The following PRKG1 variants were observed in gnomAD, a reference collection of about 807,000 sequenced individuals.
The protein encoded by PRKG1 is protein kinase cGMP-dependent 1, also known as cGMP-dependent protein kinase 1.
In PRKG1, 35 loss-of-function variants were observed where a neutral mutation model predicts 88.1. The ratio of observed to expected loss-of-function variants is 0.40; its 90% CI spans 0.30 to 0.53. The LOEUF (loss-of-function observed/expected upper bound fraction) is 0.53. Among genes scored for constraint, PRKG1 ranks in the 20% least tolerant of loss-of-function variants. The probability of loss-of-function intolerance (pLI) is 0.59; values close to 1 mark genes in which losing one functional copy is unlikely to be tolerated. For missense variants in PRKG1, 540 were observed against 839.8 expected (o/e 0.64, Z 4.41); for synonymous variants, 303 against 292.5 (o/e 1.04, Z -0.37).
At chr10:52,043,192 C>T (rs1037800470) in intron 5 of PRKG1, among the ~76,000 whole-genome samples, 3 of 151,978 alleles carry the variant, frequency 2.0e-5, no homozygotes, top group Non-Finnish European at 2.9e-5. Context: ...TAGAGCTGTC[C>T]TATGATTCAG....
At chr10:52,175,244 C>T (rs1485151322) in intron 9 of PRKG1, among the ~76,000 whole-genome samples, 1 of 152,086 alleles carries the variant, frequency 6.6e-6, no homozygotes, top group East Asian at 1.9e-4. Flanking sequence ...CAGTGTACAA[C>T]TTTCTGTTTC....
At chr10:51,903,408 A>C (rs1405899112) in intron 4 of PRKG1, among the ~76,000 whole-genome samples, 3 of 152,128 alleles carry the variant, frequency 2.0e-5, no homozygotes, top group African/African-American at 7.2e-5. Context: ...ACTTAGGAGA[A>C]TGTTTTTATT....
Position 51,346,069 on chromosome 10 carries a change from A to C in PRKG1, c.479-121654A>C, listed in dbSNP as rs373746680. ...GTTACTTGATCATTTTATCACTGAT[A>C]GCCTGCTCTGTGTGATGTTTCCAAT... On this transcript the variant is annotated intron_variant, in intron 2 of 17. Transcript: ENST00000373980. 5.9e-5 allele frequency among the ~76,000 whole-genome samples: 9 copies of C among 152,338 alleles called. No individual in the cohort carries two copies. The South Asian group carries it at 1.9e-3, about 32-fold the overall frequency.
chr10:52,113,382 G>GGATA (rs1315312796), intron 7 of PRKG1, among the ~76,000 whole-genome samples: 1 of 151,978 alleles, frequency 6.6e-6, no homozygotes, highest in Non-Finnish European at 1.5e-5. Context: ...ATGGATGGAT[G>GGATA]GATAGATGAA....
At chr10:51,930,886 G>T (rs533994156) in intron 5 of PRKG1, among the ~76,000 whole-genome samples, 6 of 152,222 alleles carry the variant, frequency 3.9e-5, no homozygotes, top group African/African-American at 1.2e-4. Flanking sequence ...AAAATTTAAT[G>T]ACCCTATTCT....
chr10:51,133,762 G>A (rs951516439), intron 1 of PRKG1, among the ~76,000 whole-genome samples: 5 of 152,056 alleles, frequency 3.3e-5, no homozygotes, highest in Non-Finnish European at 7.4e-5. Context: ...AATCTCACTC[G>A]TGAATTATGA....
intron 7 of PRKG1, among the ~76,000 whole-genome samples, chr10:52,098,583 G>T (rs1484594435): frequency 1.3e-5 from 2 of 152,204 alleles, no homozygotes; most frequent in Admixed American, 1.3e-4. Flanking sequence ...GGCCGAGAGA[G>T]GTGGATAACG....
intron 9 of PRKG1, among the ~76,000 whole-genome samples, chr10:52,197,370 T>C (rs1839535235): frequency 1.3e-5 from 2 of 152,224 alleles, no homozygotes; most frequent in South Asian, 2.1e-4. Context: ...GTGATTCTAC[T>C]GCTTGTTGTT....
intron 2 of PRKG1, among the ~76,000 whole-genome samples, chr10:51,292,678 C>A (rs1840614326): frequency 6.6e-6 from 1 of 152,102 alleles, no homozygotes; most frequent in South Asian, 2.1e-4. Flanking sequence ...TTTGCAAACA[C>A]ATATAGACAT....
intron 9 of PRKG1, among the ~76,000 whole-genome samples, chr10:52,167,923 A>T (rs1297276039): frequency 6.6e-6 from 1 of 152,184 alleles, no homozygotes; most frequent in Non-Finnish European, 1.5e-5. Flanking sequence ...CTCTTGTCAA[A>T]ATCTATGTGA....
At chr10:51,634,016 T>C (rs763076362) in intron 3 of PRKG1, among the ~76,000 whole-genome samples, 13 of 152,160 alleles carry the variant, frequency 8.5e-5, no homozygotes, top group Admixed American at 5.9e-4. Context: ...AATGTTTTGG[T>C]CATTAATTTA....
At chr10:51,957,465 A>T (rs559493799) in intron 5 of PRKG1, among the ~76,000 whole-genome samples, 3 of 151,434 alleles carry the variant, frequency 2.0e-5, no homozygotes, top group Non-Finnish European at 2.9e-5. Context: ...CTAATTTTTT[A>T]AATTTTCTGT....
chr10:51,100,431 TC>T (rs1844650336), intron 1 of PRKG1, among the ~76,000 whole-genome samples: 1 of 152,188 alleles, frequency 6.6e-6, no homozygotes, highest in Non-Finnish European at 1.5e-5. Context: ...GATATCCATT[TC>T]CTGATTCATT....
At chr10:52,245,347 A>G (rs1202333128) in intron 9 of PRKG1, among the ~76,000 whole-genome samples, 1 of 152,146 alleles carries the variant, frequency 6.6e-6, no homozygotes, top group East Asian at 1.9e-4. Flanking sequence ...TTTTTCCACT[A>G]AATTTATACT....
At chr10:51,586,572 G>A (rs539021087) in intron 3 of PRKG1, among the ~76,000 whole-genome samples, 9 of 152,118 alleles carry the variant, frequency 5.9e-5, no homozygotes, top group Admixed American at 5.2e-4. Context: ...TAAAATGTTA[G>A]CCTCCTTTAG....
intron 2 of PRKG1, among the ~76,000 whole-genome samples, chr10:51,170,074 G>A (rs914362798): frequency 6.6e-6 from 1 of 151,962 alleles, no homozygotes; most frequent in Non-Finnish European, 1.5e-5. Flanking sequence ...GGGCTGGACT[G>A]TTGTCTCTGA....
At position 51,848,638 on chromosome 10, in the gene PRKG1, TGTGTGTGTGTGTG is replaced by T. The variant is rs558926259; in HGVS notation, c.698+43949_698+43961del. 8.9e-3 allele frequency among the ~76,000 whole-genome samples: 805 copies of T among 90,956 alleles called. 7 individuals are homozygous for T. The highest frequency in any genetic ancestry group is 0.043 in the African/African-American group (714 of 16,418). The allele number at this position is 90,956 out of a possible 152,430, so 59.7% of individuals were successfully genotyped here. A position where few individuals can be genotyped will look rare whatever the true frequency, so the allele number is the denominator to read the frequency against. On this transcript the variant is annotated intron_variant, in intron 4 of 17. Transcript: ENST00000373980. ...TTAATTCTGTGTGTCTGTATCTGTG[TGTGTGTGTGTGTG>T]TGTGTGTGTGTGTGTGTTTTATATT... is the stretch of plus-strand genomic sequence containing the variant.
intron 9 of PRKG1, among the ~76,000 whole-genome samples, chr10:52,176,793 CT>C (rs1250583062): frequency 1.3e-5 from 2 of 151,960 alleles, no homozygotes; most frequent in African/African-American, 2.4e-5. Context: ...GAATTGCCTT[CT>C]TTATTTCTTT....
chr10:51,685,317 A>T (rs1840960171), intron 3 of PRKG1, among the ~76,000 whole-genome samples: 1 of 152,196 alleles, frequency 6.6e-6, no homozygotes, highest in African/African-American at 2.4e-5. Flanking sequence ...AATTTTAGTG[A>T]AGTTAAAGAT....
Sources: gnomAD v4.1 joint callset for allele counts (sites outside exome capture counted in the v4.1 genomes callset) on GRCh38, gnomAD v4.1.1 for gene constraint, MANE v1.5 for transcripts, NCBI Gene and HGNC (gene_info 2026-07-23, HGNC 2026-07-21) for gene names.